INTS4: variants seen among roughly 807,000 people sequenced by gnomAD.
INTS4 encodes integrator complex subunit 4, also known as MSTP093.
INTS4 carries 70 observed loss-of-function variants against 119.5 expected under a neutral mutation model. The observed-to-expected ratio is 0.59, with a 90% CI of 0.48 to 0.71. The LOEUF is 0.71. Among genes scored for constraint, INTS4 ranks in the 30% least tolerant of loss-of-function variants. The pLI is 0.00. For synonymous variants in INTS4, 316 were observed against 419.6 expected, an observed-to-expected ratio of 0.75 and a Z score of 3.02; for missense variants, 867 against 1,173.2, an observed-to-expected ratio of 0.74 and a Z score of 3.81.
At chr11:77,917,454 C>T (rs1591052639) in intron 15 of INTS4, among the ~76,000 whole-genome samples, 1 of 151,778 alleles carries the variant, frequency 6.6e-6, no homozygotes, top group East Asian at 2.0e-4. Context: ...GCTGGGATTA[C>T]AGGCGCGTGC....
chr11:77,936,585 T>C (rs938280066), intron 10 of INTS4, among the ~76,000 whole-genome samples: 9 of 152,180 alleles, frequency 5.9e-5, no homozygotes, highest in African/African-American at 2.2e-4. Flanking sequence ...TCTCCTTATG[T>C]GGTCCAGGAT....
chr11:77,990,166 C>G (rs1435961977), intron 2 of INTS4, among the ~76,000 whole-genome samples: 1 of 147,642 alleles, frequency 6.8e-6, no homozygotes, highest in South Asian at 2.1e-4. Flanking sequence ...TTGCAGTGAG[C>G]CAAGATTGTG....
intron 4 of INTS4, among the ~76,000 whole-genome samples, chr11:77,964,014 T>C (rs1031355203): frequency 4.6e-5 from 7 of 152,152 alleles, no homozygotes; most frequent in Admixed American, 1.3e-4. Context: ...AACAAGAACT[T>C]TGGTCTCCCA....
chr11:77,897,186 G>A (rs1190992540), intron 18 of INTS4, among the ~76,000 whole-genome samples: 1 of 151,734 alleles, frequency 6.6e-6, no homozygotes, highest in Non-Finnish European at 1.5e-5. Flanking sequence ...GAACAGTGGT[G>A]GCAAAGTTGG....
At chr11:77,954,843 A>C (rs1295971630) in intron 8 of INTS4, among the ~76,000 whole-genome samples, 1 of 152,202 alleles carries the variant, frequency 6.6e-6, no homozygotes, top group Non-Finnish European at 1.5e-5. Flanking sequence ...GGACTGGTCC[A>C]CAGCCTGGGG....
At chr11:77,941,758 G>A (rs376231254) in intron 8 of INTS4, among the ~76,000 whole-genome samples, 4 of 151,976 alleles carry the variant, frequency 2.6e-5, no homozygotes, top group African/African-American at 4.8e-5. Context: ...TGCCTACCTC[G>A]GCCTCCCAAA....
chr11:77,964,466 C>G (rs781507242), intron 4 of INTS4, among the ~76,000 whole-genome samples: 2 of 151,652 alleles, frequency 1.3e-5, no homozygotes, highest in Non-Finnish European at 2.9e-5. Context: ...CCCAGCTACT[C>G]GGGAGGCTGA....
chr11:77,937,580 C>CA (rs1034879408), intron 10 of INTS4, among the ~76,000 whole-genome samples: 3 of 151,922 alleles, frequency 2.0e-5, no homozygotes, highest in Non-Finnish European at 4.4e-5. Flanking sequence ...CCTGTCTCTA[C>CA]AAAAAATTAA....
rs1295985894 is a variant in INTS4 at position 77,955,638 on chromosome 11, GGC to G, written c.918+302_918+303del. On this transcript the variant is annotated intron_variant, in intron 8 of 22. Coordinates refer to ENST00000534064, the MANE Select transcript of INTS4 (RefSeq NM_033547.4). The stretch of plus-strand genomic sequence containing the variant: ...AGCCTCCCGAGTAGCTGGGATTACA[GGC>G]GTGCGCCACCATGCCCAGCTAATTT... Among the ~76,000 whole-genome samples, 201 of 152,236 alleles carry G rather than the reference GGC, an allele frequency of 1.3e-3. 1 individual carries two copies. Among genetic ancestry groups the G allele is most frequent in the Non-Finnish European group, 2.0e-3 (139 of 68,020 alleles).
rs201785171 is a variant in INTS4 at position 77,896,343 on chromosome 11, TA to T, written c.2229-1995del. 2.8e-3 allele frequency among the ~76,000 whole-genome samples: 428 copies of T among 152,024 alleles called. 1 individual carries two copies. The highest frequency in any genetic ancestry group is 9.9e-3 in the African/African-American group (411 of 41,476). ...AACAATGTAAACTGAAATGATAAAC[TA>T]AAAAAAGCATATTAAAGAATTTACT... is the stretch of plus-strand genomic sequence containing the variant. On this transcript the variant is annotated intron_variant, in intron 18 of 22. Coordinates refer to ENST00000534064, the MANE Select transcript of INTS4 (RefSeq NM_033547.4).
At chr11:77,959,429 A>G (rs1414984622) in intron 6 of INTS4, among the ~76,000 whole-genome samples, 1 of 152,076 alleles carries the variant, frequency 6.6e-6, no homozygotes, top group African/African-American at 2.4e-5. Context: ...ATTCTACCTT[A>G]TATCTTAAAT....
intron 22 of INTS4, among the ~76,000 whole-genome samples, chr11:77,880,195 A>C (rs1951737381): frequency 6.6e-6 from 1 of 152,212 alleles, no homozygotes; most frequent in Non-Finnish European, 1.5e-5. Context: ...TAAGAAGTTC[A>C]GAGGGTAGGA....
intron 10 of INTS4, among the ~76,000 whole-genome samples, chr11:77,931,595 T>C (rs534554936): frequency 1.3e-4 from 20 of 152,158 alleles, no homozygotes; most frequent in African/African-American, 4.8e-4. Flanking sequence ...TAAATATATA[T>C]ACTAGTATGG....
intron 8 of INTS4, among the ~76,000 whole-genome samples, chr11:77,941,792 C>G (rs945704685): frequency 2.0e-5 from 3 of 152,192 alleles, no homozygotes; most frequent in African/African-American, 7.2e-5. Context: ...AGGCGTGAGT[C>G]ACCACGCCCG....
chr11:77,930,166 C>T (rs1478150975), intron 10 of INTS4, among the ~76,000 whole-genome samples: 1 of 151,942 alleles, frequency 6.6e-6, no homozygotes, highest in Non-Finnish European at 1.5e-5. Flanking sequence ...CTAGTGATTC[C>T]CATATGCTTC....
chr11:77,973,318 A>C (rs1855805170), intron 4 of INTS4, among the ~76,000 whole-genome samples: 1 of 152,148 alleles, frequency 6.6e-6, no homozygotes, highest in Admixed American at 6.5e-5. Context: ...ATTCCCTAAG[A>C]TTTTCTACAT....
chr11:77,878,227 T>C (rs1297306667), downstream of INTS4, among the ~76,000 whole-genome samples: 3 of 152,010 alleles, frequency 2.0e-5, no homozygotes, highest in African/African-American at 7.3e-5. Context: ...CAAGGCGTGG[T>C]GACAGGCGCC....
chr11:77,947,659 G>A (rs1954080848), intron 8 of INTS4, among the ~76,000 whole-genome samples: 1 of 152,102 alleles, frequency 6.6e-6, no homozygotes, highest in Non-Finnish European at 1.5e-5. Context: ...CTAGTATGAA[G>A]GTTAAATTCA....
Position 77,878,995 on chromosome 11 carries a change from C to A in INTS4, c.2846G>T (p.Ser949Ile). ...CATTATATAAACTTTTACAGGCTTG[C>A]TGAAGGGAATGGTGCCCTCGATGCT... ...ETSIEGTIPF[S>I]KPVKVYIMPK... The change falls in exon 23 of 23, where the codon AGC (serine) becomes ATC (isoleucine). Residue 949 changes from serine (S) to isoleucine (I), a missense_variant. Coordinates refer to ENST00000534064, the MANE Select transcript of INTS4 (RefSeq NM_033547.4). 1 of 1,614,104 alleles carries A rather than the reference C, an allele frequency of 6.2e-7. No individual in the cohort carries two copies. The highest frequency in any genetic ancestry group is 8.5e-7 in the Non-Finnish European group (1 of 1,180,022).
Sources: allele counts gnomAD v4.1 joint callset (sites outside exome capture counted in the v4.1 genomes callset), GRCh38; gene constraint gnomAD v4.1.1; transcripts MANE v1.5; gene names NCBI Gene and HGNC (gene_info 2026-07-23, HGNC 2026-07-21).